The following TMEM132B variants were observed in gnomAD, a reference collection of about 807,000 sequenced individuals.
TMEM132B encodes transmembrane protein 132B.
Under a neutral mutation model 90.8 loss-of-function variants are expected in TMEM132B, and 18 were observed. The observed-to-expected ratio is 0.20, with a 90% CI of 0.14 to 0.29. The LOEUF (loss-of-function observed/expected upper bound fraction) is 0.29, where lower values mean the gene tolerates loss of function less well. TMEM132B is among the 10% of genes least tolerant of loss of function. TMEM132B has a pLI of 1.00. For missense variants in TMEM132B, 1,096 were observed against 1,326.8 expected, an observed-to-expected ratio of 0.83 and a Z score of 2.70; for synonymous variants, 504 against 523.3, an observed-to-expected ratio of 0.96 and a Z score of 0.50.
intron 6 of TMEM132B, 74 bp from the exon 7 acceptor site, chr12:125,650,609 A>G (rs1886880118): frequency 9.1e-6 from 14 of 1,542,306 alleles, no homozygotes; most frequent in Non-Finnish European, 1.2e-5. Flanking sequence ...GCTCACCTAG[A>G]ATCTGAAAAA....
At chr12:125,199,481 G>C (rs1434150668) in intron 1 of TMEM132B, among the ~76,000 whole-genome samples, 1 of 152,200 alleles carries the variant, frequency 6.6e-6, no homozygotes, top group Non-Finnish European at 1.5e-5. Context: ...GATACAGTGA[G>C]CTCAAGTGAC....
chr12:125,458,157 G>A lies in TMEM132B; in HGVS notation c.1106+42480G>A, dbSNP rs1881343667. Among the ~76,000 whole-genome samples the A allele has an allele frequency of 6.6e-6, 1 of 152,072 alleles. No individual in the cohort carries two copies. The highest frequency in any genetic ancestry group is 1.5e-5 in the Non-Finnish European group (1 of 67,998). On this transcript the variant is annotated intron_variant, in intron 3 of 8. Coordinates refer to ENST00000682704, the MANE Select transcript of TMEM132B (RefSeq NM_001366854.1). This position sits in a 1 kb window ranked among gnomAD's most constrained non-coding sequence, Gnocchi z 4.9. ...CCAGCAGGACTCAGGGACAGAATCT[G>A]TGTGGGGGATGGAGCTGAGTGGGAG...
At chr12:125,418,458 T>C (rs972609857) in intron 3 of TMEM132B, among the ~76,000 whole-genome samples, 1 of 152,206 alleles carries the variant, frequency 6.6e-6, no homozygotes, top group African/African-American at 2.4e-5. Flanking sequence ...CAATTTATGC[T>C]TACCTAATCT....
At chr12:125,524,108 T>G (rs1436107830) in intron 4 of TMEM132B, among the ~76,000 whole-genome samples, 1 of 152,224 alleles carries the variant, frequency 6.6e-6, no homozygotes, top group Non-Finnish European at 1.5e-5. Flanking sequence ...AGCCTCAGGC[T>G]GGTCACCTAA....
chr12:125,369,138 T>C (rs946331847), intron 2 of TMEM132B, among the ~76,000 whole-genome samples: 1 of 152,162 alleles, frequency 6.6e-6, no homozygotes, highest in African/African-American at 2.4e-5. Flanking sequence ...TTTCTGTACT[T>C]GCGATAGTTT....
chr12:125,644,335 T>C (rs1886707769), intron 6 of TMEM132B, 54 bp downstream of exon 6: 1 of 1,584,064 alleles, frequency 6.3e-7, no homozygotes, highest in Non-Finnish European at 8.6e-7. Flanking sequence ...TCCAGATCTT[T>C]GTGGGAGGCA....
At chr12:125,328,975 A>G (rs1876680654) in intron 1 of TMEM132B, among the ~76,000 whole-genome samples, 2 of 152,162 alleles carry the variant, frequency 1.3e-5, no homozygotes, top group Admixed American at 6.5e-5. Context: ...CTTAATGGAT[A>G]CTGAATGAAC....
chr12:125,565,198 C>T (rs4542471), intron 4 of TMEM132B, among the ~76,000 whole-genome samples: 87,057 of 151,972 alleles, frequency 0.57, 26,671 homozygotes, highest in Middle Eastern at 0.78. Context: ...TGAGGCTTTA[C>T]CCCCACCCCA....
chr12:125,421,438 C>G (rs781779944), intron 3 of TMEM132B, among the ~76,000 whole-genome samples: 11 of 152,180 alleles, frequency 7.2e-5, no homozygotes, highest in Non-Finnish European at 1.3e-4. Context: ...GAACTCCCCT[C>G]TATAAAACCA....
intron 5 of TMEM132B, among the ~76,000 whole-genome samples, chr12:125,603,007 A>G (rs1566086578): frequency 6.6e-6 from 1 of 152,242 alleles, no homozygotes; most frequent in East Asian, 1.9e-4. Context: ...GAGAGAAACA[A>G]TATCGTGAAA....
intron 2 of TMEM132B, among the ~76,000 whole-genome samples, chr12:125,411,551 A>G (rs1879839835): frequency 6.6e-6 from 1 of 152,250 alleles, no homozygotes; most frequent in African/African-American, 2.4e-5. Flanking sequence ...AAAACCGGAG[A>G]TGCCCAGTTG....
chr12:125,470,704 G>A (rs1171110212), intron 3 of TMEM132B, among the ~76,000 whole-genome samples: 2 of 152,132 alleles, frequency 1.3e-5, no homozygotes, highest in Admixed American at 6.5e-5. Context: ...TGAAAATGAG[G>A]CTGGGGACCC....
chr12:125,395,886 C>G (rs1879155543), intron 2 of TMEM132B, among the ~76,000 whole-genome samples: 1 of 152,168 alleles, frequency 6.6e-6, no homozygotes, highest in African/African-American at 2.4e-5. Context: ...GTGCTTATTG[C>G]TTAGTGGAGA....
chr12:125,613,293 G>A (rs1158777671), intron 5 of TMEM132B, among the ~76,000 whole-genome samples: 1 of 145,026 alleles, frequency 6.9e-6, no homozygotes, highest in Non-Finnish European at 1.5e-5. Flanking sequence ...GGGCATACAT[G>A]TGTAGTAATC....
At position 125,459,464 on chromosome 12, in the gene TMEM132B, A is replaced by T. The variant is rs1215371245; in HGVS notation, c.1106+43787A>T. Among the ~76,000 whole-genome samples, 1 of 152,202 alleles carries T rather than the reference A, an allele frequency of 6.6e-6. No individual in the cohort carries two copies. The highest frequency in any genetic ancestry group is 1.5e-5 in the Non-Finnish European group (1 of 68,036). ...TTCTCACTTATTTGTGGGATGTAAA[A>T]ATCAAAACAATTGAAATCATGGACA... is the stretch of plus-strand genomic sequence containing the variant. On this transcript the variant is annotated intron_variant, in intron 3 of 8. Coordinates refer to ENST00000682704, the MANE Select transcript of TMEM132B (RefSeq NM_001366854.1). The surrounding 1 kb of genome is among the most constrained non-coding windows in gnomAD (Gnocchi z 4.1).
intron 1 of TMEM132B, among the ~76,000 whole-genome samples, chr12:125,312,547 C>G (rs569300495): frequency 6.6e-6 from 1 of 152,348 alleles, no homozygotes; most frequent in East Asian, 1.9e-4. Context: ...TCCCAGCGTC[C>G]TCTGGAGAGA....
At chr12:125,576,788 T>G (rs748744724) in intron 4 of TMEM132B, among the ~76,000 whole-genome samples, 4 of 152,068 alleles carry the variant, frequency 2.6e-5, no homozygotes, top group Non-Finnish European at 5.9e-5. Flanking sequence ...TTTCATATGT[T>G]GAACCAATCC....
Position 125,458,133 on chromosome 12 carries a change from C to T in TMEM132B, c.1106+42456C>T, listed in dbSNP as rs1881342635. Among the ~76,000 whole-genome samples, 1 of 151,902 alleles carries T rather than the reference C, an allele frequency of 6.6e-6. No homozygotes were observed. The highest frequency in any genetic ancestry group is 1.5e-5 in the Non-Finnish European group (1 of 67,976). ...TTCCAGAGACAGGTCTGGCTAGAAC[C>T]AGCAGGACTCAGGGACAGAATCTGT... On this transcript the variant is annotated intron_variant, in intron 3 of 8. Coordinates refer to ENST00000682704, the MANE Select transcript of TMEM132B (RefSeq NM_001366854.1). The surrounding 1 kb of genome is among the most constrained non-coding windows in gnomAD (Gnocchi z 4.9).
intron 2 of TMEM132B, among the ~76,000 whole-genome samples, chr12:125,399,036 C>T (rs1285228114): frequency 6.6e-6 from 1 of 152,186 alleles, no homozygotes; most frequent in Non-Finnish European, 1.5e-5. Context: ...TTCCTAGAGC[C>T]CCACTTCCCC....
Sources: gnomAD v4.1 joint callset for allele counts (sites outside exome capture counted in the v4.1 genomes callset) on GRCh38, gnomAD v4.1.1 for gene constraint, Gnocchi (gnomAD v3.1) non-coding constraint, MANE v1.5 for transcripts, NCBI Gene and HGNC (gene_info 2026-07-23, HGNC 2026-07-21) for gene names.